Variants in KAZN observed in about 807,000 individuals in gnomAD.
The protein encoded by KAZN is kazrin.
KAZN carries 40 observed loss-of-function variants against 87.4 expected under a neutral mutation model. The observed-to-expected ratio is 0.46, with a 90% CI of 0.36 to 0.60. The LOEUF is 0.60. Ranked by LOEUF, KAZN falls within the 20% of genes least tolerant of loss-of-function variation. The probability of loss-of-function intolerance (pLI) is 0.00; values close to 1 mark genes in which losing one functional copy is unlikely to be tolerated. For synonymous variants in KAZN, 466 were observed against 458.3 expected, an observed-to-expected ratio of 1.02 and a Z score of -0.22; for missense variants, 898 against 1,073.9, an observed-to-expected ratio of 0.84 and a Z score of 2.29.
chr1:14,271,623 T>TA (rs1651941021), intron 2 of KAZN, among the ~76,000 whole-genome samples: 1 of 152,268 alleles, frequency 6.6e-6, no homozygotes, highest in Non-Finnish European at 1.5e-5. Context: ...CTCATCTTTT[T>TA]ATCTACTTAC....
intron 1 of KAZN, among the ~76,000 whole-genome samples, chr1:14,637,954 A>G (rs1680120011): frequency 6.6e-6 from 1 of 151,908 alleles, no homozygotes; most frequent in Non-Finnish European, 1.5e-5. Context: ...GGGAGAGACT[A>G]TCCCACACCT....
intron 1 of KAZN, among the ~76,000 whole-genome samples, chr1:13,990,598 G>T (rs1639232131): frequency 6.6e-6 from 1 of 152,172 alleles, no homozygotes; most frequent in African/African-American, 2.4e-5. Context: ...TTTTGATAGA[G>T]GTTTGGGTTA....
intron 1 of KAZN, among the ~76,000 whole-genome samples, chr1:14,940,307 T>G (rs965025214): frequency 6.6e-6 from 1 of 152,210 alleles, no homozygotes; most frequent in African/African-American, 2.4e-5. Context: ...ACCCCTACAA[T>G]TTTTGATTCG....
intron 1 of KAZN, among the ~76,000 whole-genome samples, chr1:14,846,733 AC>A (rs937778859): frequency 4.6e-5 from 7 of 152,174 alleles, no homozygotes; most frequent in Non-Finnish European, 4.4e-5. Flanking sequence ...AATAACACTT[AC>A]CACAGTGATC....
At chr1:13,986,760 G>A (rs1040133643) in intron 1 of KAZN, among the ~76,000 whole-genome samples, 5 of 152,216 alleles carry the variant, frequency 3.3e-5, no homozygotes, top group Non-Finnish European at 7.3e-5. Flanking sequence ...GATGGGTAGA[G>A]CCAGTATCTC....
At chr1:14,726,562 G>A (rs1038093781) in intron 1 of KAZN, among the ~76,000 whole-genome samples, 1 of 152,172 alleles carries the variant, frequency 6.6e-6, no homozygotes, top group Admixed American at 6.5e-5. Context: ...GGGTTGGGTT[G>A]TACAAAGACC....
intron 2 of KAZN, among the ~76,000 whole-genome samples, chr1:14,338,168 C>T (rs986896114): frequency 2.0e-5 from 3 of 152,048 alleles, no homozygotes; most frequent in Middle Eastern, 3.2e-3. Context: ...CATTGACCCC[C>T]TTCTGGTTAA....
At chr1:14,955,622 A>G (rs1344149843) in intron 1 of KAZN, among the ~76,000 whole-genome samples, 1 of 149,430 alleles carries the variant, frequency 6.7e-6, no homozygotes, top group Non-Finnish European at 1.5e-5. Flanking sequence ...GCTCCCATCA[A>G]CTTACTCACA....
intron 1 of KAZN, among the ~76,000 whole-genome samples, chr1:14,947,742 A>G (rs1662000767): frequency 6.6e-6 from 1 of 152,214 alleles, no homozygotes; most frequent in Non-Finnish European, 1.5e-5. Flanking sequence ...CACTTCTCCC[A>G]TGGGGTTGGT....
chr1:14,384,398 T>G (rs1661670268), intron 2 of KAZN, among the ~76,000 whole-genome samples: 1 of 152,158 alleles, frequency 6.6e-6, no homozygotes, highest in Admixed American at 6.5e-5. Context: ...TGTGCCAGTT[T>G]TCAAAGGGAA....
At chr1:14,555,189 C>T (rs1673787866) in intron 2 of KAZN, among the ~76,000 whole-genome samples, 2 of 152,220 alleles carry the variant, frequency 1.3e-5, no homozygotes, top group African/African-American at 4.8e-5. Flanking sequence ...GCTTGCATAG[C>T]AAATCTGCAC....
intron 1 of KAZN, among the ~76,000 whole-genome samples, chr1:14,653,051 C>A (rs1309336577): frequency 2.0e-5 from 3 of 152,140 alleles, no homozygotes; most frequent in African/African-American, 7.2e-5. Context: ...ATGAAACTTA[C>A]CGTCTTGCAG....
intron 1 of KAZN, among the ~76,000 whole-genome samples, chr1:14,871,312 C>T (rs1652099986): frequency 6.7e-6 from 1 of 149,686 alleles, no homozygotes; most frequent in Admixed American, 6.7e-5. Flanking sequence ...TTCCATGAAC[C>T]TTCTGCTTGA....
chr1:14,461,870 T>C (rs1667871015), intron 2 of KAZN, among the ~76,000 whole-genome samples: 1 of 151,932 alleles, frequency 6.6e-6, no homozygotes, highest in South Asian at 2.1e-4. Flanking sequence ...GGGACCTGCT[T>C]GACACTGAGG....
intron 1 of KAZN, among the ~76,000 whole-genome samples, chr1:14,047,014 G>A (rs1570607096): frequency 6.6e-6 from 1 of 152,292 alleles, no homozygotes; most frequent in East Asian, 1.9e-4. Flanking sequence ...TCTCTGTCCA[G>A]TGGGTCCACT....
intron 1 of KAZN, among the ~76,000 whole-genome samples, chr1:14,016,873 G>A (rs945075703): frequency 5.9e-5 from 9 of 152,116 alleles, no homozygotes; most frequent in Admixed American, 5.9e-4. Context: ...AATAAATGTG[G>A]TAATTTTTGT....
intron 2 of KAZN, among the ~76,000 whole-genome samples, chr1:14,307,297 C>G (rs1427030527): frequency 6.6e-6 from 1 of 152,206 alleles, no homozygotes; most frequent in East Asian, 1.9e-4. Context: ...TTCACACCCT[C>G]CCAGTGGCAT....
intron 2 of KAZN, among the ~76,000 whole-genome samples, chr1:14,481,319 A>G (rs1031003085): frequency 6.6e-6 from 1 of 152,234 alleles, no homozygotes; most frequent in Non-Finnish European, 1.5e-5. Context: ...CTTTTAAAGC[A>G]CTGGACATAT....
intron 2 of KAZN, among the ~76,000 whole-genome samples, chr1:14,256,897 G>A (rs1177895495): frequency 6.6e-6 from 1 of 152,142 alleles, no homozygotes; most frequent in Admixed American, 6.5e-5. Flanking sequence ...CATCGATGAT[G>A]CGTTCTATTT....
Sources: gnomAD v4.1 joint callset for allele counts (sites outside exome capture counted in the v4.1 genomes callset) on GRCh38, gnomAD v4.1.1 for gene constraint, MANE v1.5 for transcripts, NCBI Gene and HGNC (gene_info 2026-07-23, HGNC 2026-07-21) for gene names.